Variants in PHF3 observed in about 807,000 individuals in gnomAD.
PHF3 encodes the protein PHD finger protein 3.
Under a neutral mutation model 178.4 loss-of-function variants are expected in PHF3, and 41 were observed. That is an observed-to-expected ratio of 0.23 (90% CI 0.18 to 0.30). PHF3 has a LOEUF of 0.30. PHF3 is among the 10% of genes least tolerant of loss of function. The pLI, the probability that PHF3 is intolerant of heterozygous loss-of-function variation, is 1.00. For synonymous variants in PHF3, 842 were observed against 800.5 expected, an observed-to-expected ratio of 1.05 and a Z score of -0.88; for missense variants, 2,346 against 2,398.1, an observed-to-expected ratio of 0.98 and a Z score of 0.45.
In PHF3 at chr6:63,712,439, A is replaced by G. The variant is rs748329300; in HGVS notation, c.4851A>G (p.Arg1617=). 1 of 1,614,052 alleles carries G rather than the reference A, an allele frequency of 6.2e-7. No homozygotes were observed. Among genetic ancestry groups the G allele is most frequent in the East Asian group, 2.2e-5 (1 of 44,850 alleles). The change falls in exon 16 of 16, where the codon AGA becomes AGG. Residue 1617 remains arginine (R), a synonymous_variant. Transcript: ENST00000262043. ...AGACTTCAAATAGTTCTCCATGCAG[A>G]TCTAATGTAGGAAAAGGAAACATAG... is the stretch of plus-strand genomic sequence containing the variant. ...DNQTSNSSPC[R]SNVGKGNIDG...
intron 2 of PHF3, among the ~76,000 whole-genome samples, chr6:63,651,328 G>T (rs1765011673): frequency 6.6e-6 from 1 of 152,018 alleles, no homozygotes; most frequent in Non-Finnish European, 1.5e-5. Context: ...TGGAGTACTA[G>T]AATTTATTCC....
At chr6:63,692,182 G>T in intron 5 of PHF3, 139 bp downstream of exon 5, 5 of 676,836 alleles carry the variant, frequency 7.4e-6, no homozygotes, top group Admixed American at 3.3e-5. Flanking sequence ...AAAGTGAATA[G>T]GTTTTTATTT....
chr6:63,720,845 G>A lies in PHF3; in HGVS notation c.*7137G>A, dbSNP rs1203358626. On this transcript the variant is annotated 3_prime_UTR_variant, in exon 16 of 16. Transcript: ENST00000262043. ...CAATATCCTCGGAAAGAATTAGACT[G>A]TTATTTATGTAGGCCTTGATAAGAG... 43 of 1,550,966 alleles carry A rather than the reference G, an allele frequency of 2.8e-5. No homozygotes were observed. The Admixed American group carries it at 6.7e-4, about 24-fold the overall frequency.
In PHF3 at chr6:63,651,535, T is replaced by C. The variant is rs149814020; in HGVS notation, c.244+4740T>C. Among the ~76,000 whole-genome samples, 314 of 152,208 alleles carry C rather than the reference T, an allele frequency of 2.1e-3. 5 individuals are homozygous for C. In the East Asian group the frequency reaches 0.024, roughly 12 times the overall value. ...TGCCACCATGCCCAGCTAGTTTTTG[T>C]ATTTTTGGTAGAGACAGGGTTTCAC... On this transcript the variant is annotated intron_variant, in intron 2 of 15. Transcript: ENST00000262043.
At position 63,692,048 on chromosome 6, in the gene PHF3, G is replaced by C; in HGVS notation, c.2496+5G>C. 1 of 1,592,538 alleles carries C rather than the reference G, an allele frequency of 6.3e-7. No individual in the cohort carries two copies. The highest frequency in any genetic ancestry group is 8.6e-7 in the Non-Finnish European group (1 of 1,168,328). ...AAGGTCAAAATTTTAAAACGGGTGA[G>C]CTCTTCATTAATGCATTATTTTGTT... On this transcript the variant is annotated splice_donor_5th_base_variant and intron_variant, in intron 5 of 15. Transcript: ENST00000262043.
rs1186708771 is a variant in PHF3 at position 63,721,621 on chromosome 6, C to T, written c.*7913C>T. The stretch of plus-strand genomic sequence containing the variant: ...ATTTTAGTGGAGGCCTTTTCTGTTA[C>T]ATTTATCCCATCTAGATCCAGGTAG... On this transcript the variant is annotated 3_prime_UTR_variant, in exon 16 of 16. Transcript: ENST00000262043. The T allele has an allele frequency of 5.8e-6, 9 of 1,551,134 alleles. No homozygotes were observed. The African/African-American group carries it at 8.2e-5, about 14-fold the overall frequency.
Position 63,694,345 on chromosome 6 carries a change from C to T in PHF3, c.2497-236C>T, listed in dbSNP as rs150019696. On this transcript the variant is annotated intron_variant, in intron 5 of 15. Coordinates refer to ENST00000262043, the MANE Select transcript of PHF3 (RefSeq NM_001370348.2). ...ATATCCAGAGCCAAATAAGAGAATTCTTACTACCTTATTTTTAATTTTCTT... is the reference window on the plus strand; with the variant it reads ...ATATCCAGAGCCAAATAAGAGAATTTTTACTACCTTATTTTTAATTTTCTT... 1.4e-3 allele frequency among the ~76,000 whole-genome samples: 212 copies of T among 152,212 alleles called. 1 individual carries two copies. Among genetic ancestry groups the T allele is most frequent in the Non-Finnish European group, 2.0e-3 (134 of 68,000 alleles).
In PHF3 at chr6:63,711,833, G is replaced by T. The variant is rs1016114338; in HGVS notation, c.4245G>T (p.Gln1415His). 5 of 1,613,988 alleles carry T rather than the reference G, an allele frequency of 3.1e-6. No individual in the cohort carries two copies. The highest frequency in any genetic ancestry group is 4.2e-6 in the Non-Finnish European group (5 of 1,179,906). The change falls in exon 16 of 16, where the codon CAG becomes CAT. Residue 1415 changes from glutamine to histidine, a missense_variant. This residue lies in a region of PHF3 where 839 missense variants were observed against 806.9 expected (regional missense o/e 1.04). Coordinates refer to ENST00000262043, the MANE Select transcript of PHF3 (RefSeq NM_001370348.2). ...ACAAGCAGAGAAATAAACCTCAGCA[G>T]AATCTTCAGGAAGACCTTCCAACAG... ...VLHKQRNKPQ[Q>H]NLQEDLPTAV...
At chr6:63,643,255 G>A (rs1764652895) in intron 1 of PHF3, among the ~76,000 whole-genome samples, 1 of 152,068 alleles carries the variant, frequency 6.6e-6, no homozygotes, top group Non-Finnish European at 1.5e-5. Context: ...TAGCATTAGA[G>A]CTATTTTATT....
Position 63,712,334 on chromosome 6 carries a change from AGAG to A in PHF3, c.4749_4751del (p.Glu1584del), listed in dbSNP as rs951615280. ...CAAATTTATCAATTCAGTCAAAACA[AGAG>A]GAAACTGTGGAGAGTAAAGAGAAAA... On this transcript the variant is annotated inframe_deletion, in exon 16 of 16. Transcript: ENST00000262043. 1 of 1,613,146 alleles carries A rather than the reference AGAG, an allele frequency of 6.2e-7. No individual in the cohort carries two copies. The highest frequency in any genetic ancestry group is 1.3e-5 in the African/African-American group (1 of 74,770).
intron 1 of PHF3, among the ~76,000 whole-genome samples, chr6:63,640,242 G>T (rs1300942028): frequency 1.3e-5 from 2 of 152,136 alleles, no homozygotes; most frequent in African/African-American, 2.4e-5. Context: ...ATACCACATG[G>T]CCTAACCACT....
chr6:63,689,691 G>A (rs1442338917), intron 4 of PHF3, among the ~76,000 whole-genome samples: 1 of 152,088 alleles, frequency 6.6e-6, no homozygotes, highest in East Asian at 1.9e-4. Context: ...TTGAAATGAG[G>A]CTTATTGAAA....
In PHF3 at chr6:63,718,467, G is replaced by C. The variant is rs1181286275; in HGVS notation, c.*4759G>C. Among the ~76,000 whole-genome samples the C allele has an allele frequency of 6.6e-6, 1 of 151,950 alleles. No homozygotes were observed. The highest frequency in any genetic ancestry group is 1.9e-4 in the East Asian group (1 of 5,188). ...ATATTTGTTAATGATAATCTCATCT[G>C]TTAATGTAACATTTATATAAAAGTT... is the stretch of plus-strand genomic sequence containing the variant. On this transcript the variant is annotated 3_prime_UTR_variant, in exon 16 of 16. Coordinates refer to ENST00000262043, the MANE Select transcript of PHF3 (RefSeq NM_001370348.2).
rs1330701436 is a variant in PHF3, at chr6:63,713,432, C to T, written c.5844C>T (p.Arg1948=). The T allele has an allele frequency of 1.2e-6, 2 of 1,613,712 alleles. No homozygotes were observed. Among genetic ancestry groups the T allele is most frequent in the Admixed American group, 1.7e-5 (1 of 59,952 alleles). The stretch of plus-strand genomic sequence containing the variant: ...AGCAAGAATCTGAAAGGCATAGACG[C>T]AGAGACAGAAGCCAAGACAAGGACA... ...EWEQESERHR[R]RDRSQDKDRD... Residue 1948 remains arginine (R), a synonymous_variant, in exon 16 of 16, where the codon CGC becomes CGT. Transcript: ENST00000262043.
At position 63,720,171 on chromosome 6, in the gene PHF3, A is replaced by T. The variant is rs1768318257; in HGVS notation, c.*6463A>T. ...TTGTATAATTTTTATTTTTCCTTTG[A>T]TTAATAACTTGATTTTTTTCTTATT... On this transcript the variant is annotated 3_prime_UTR_variant, in exon 16 of 16. Transcript: ENST00000262043. 1 of 202,510 alleles carries T rather than the reference A, an allele frequency of 4.9e-6. No homozygotes were observed. Among genetic ancestry groups the T allele is most frequent in the African/African-American group, 2.3e-5 (1 of 43,844 alleles). 12.5% of individuals were successfully genotyped at this position (202,510 alleles called of 1,614,324 possible). A position where few individuals can be genotyped will look rare whatever the true frequency, so the allele number is the denominator to read the frequency against.
chr6:63,637,833 T>C (rs201282180), intron 1 of PHF3, among the ~76,000 whole-genome samples: 1 of 152,196 alleles, frequency 6.6e-6, no homozygotes, highest in Non-Finnish European at 1.5e-5. Flanking sequence ...ATAGCTGTAC[T>C]CGGTAATTTG....
At chr6:63,658,010 C>T (rs759257038) in intron 2 of PHF3, among the ~76,000 whole-genome samples, 4 of 152,124 alleles carry the variant, frequency 2.6e-5, no homozygotes, top group Non-Finnish European at 5.9e-5. Context: ...AATTTAAGTT[C>T]AGGGTTAAGA....
In PHF3 at chr6:63,720,968, T is replaced by G; in HGVS notation, c.*7260T>G. On this transcript the variant is annotated 3_prime_UTR_variant, in exon 16 of 16. Transcript: ENST00000262043. Reference sequence around the variant, plus strand: ...CAGAGATTCTTTCTCCCAAGTTAACTGCTATTTTCAAGGTCTGATTATGGA... The same window carrying G: ...CAGAGATTCTTTCTCCCAAGTTAACGGCTATTTTCAAGGTCTGATTATGGA... The G allele has an allele frequency of 1.9e-6, 3 of 1,551,408 alleles. No individual in the cohort carries two copies. Among genetic ancestry groups the G allele is most frequent in the Non-Finnish European group, 1.7e-6 (2 of 1,146,808 alleles).
chr6:63,638,160 A>G (rs898049658), intron 1 of PHF3, among the ~76,000 whole-genome samples: 1 of 152,184 alleles, frequency 6.6e-6, no homozygotes, highest in East Asian at 1.9e-4. Context: ...TAATCATTTC[A>G]AACTATGTTA....
Sources: gnomAD v4.1 joint callset for allele counts (sites outside exome capture counted in the v4.1 genomes callset) on GRCh38, gnomAD v4.1.1 for gene constraint, gnomAD v4.1.1 regional missense constraint, MANE v1.5 for transcripts, NCBI Gene and HGNC (gene_info 2026-07-23, HGNC 2026-07-21) for gene names.